BCR: variants seen among roughly 807,000 people sequenced by gnomAD.
BCR encodes the protein BCR activator of RhoGEF and GTPase.
A neutral mutation model predicts 138.6 loss-of-function variants in BCR; 58 were observed. That is an observed-to-expected ratio of 0.42 (90% CI 0.34 to 0.52). BCR has a LOEUF of 0.52. Ranked by LOEUF, BCR falls within the 20% of genes least tolerant of loss-of-function variation. BCR has a pLI of 0.06. For missense variants in BCR, 1,599 were observed against 1,727.2 expected (o/e 0.93, Z 1.32); for synonymous variants, 786 against 730.1 (o/e 1.08, Z -1.23).
rs60094959 is a variant in BCR, at chr22:23,253,929, C to G, written c.1410C>G (p.Gly470=). 1 of 1,613,132 alleles carries G rather than the reference C, an allele frequency of 6.2e-7. No homozygotes were observed. The highest frequency in any genetic ancestry group is 1.3e-5 in the African/African-American group (1 of 75,002). The change falls in exon 2 of 23, where the codon GGC becomes GGG. Residue 470 remains glycine, a synonymous_variant. Coordinates refer to ENST00000305877, the MANE Select transcript of BCR (RefSeq NM_004327.4). Reference sequence around the variant, plus strand: ...CATCGCCCCACCTCAGCAGCAAGGGCAGGGGCAGCCGGGATGCGCTGGTCT... The same window carrying G: ...CATCGCCCCACCTCAGCAGCAAGGGGAGGGGCAGCCGGGATGCGCTGGTCT... ...PSSSPHLSSK[G]RGSRDALVSG...
intron 1 of BCR, among the ~76,000 whole-genome samples, chr22:23,241,281 C>T (rs566558789): frequency 1.4e-4 from 21 of 152,352 alleles, no homozygotes; most frequent in South Asian, 4.1e-4. Flanking sequence ...GCCCTGGCCC[C>T]GGGCTCAGGG....
At chr22:23,194,044 C>T (rs1264245500) in intron 1 of BCR, among the ~76,000 whole-genome samples, 3 of 152,184 alleles carry the variant, frequency 2.0e-5, no homozygotes, top group African/African-American at 2.4e-5. Flanking sequence ...TCAGAGCCGC[C>T]GTCTGACTGG....
At chr22:23,234,276 G>T (rs1043258666) in intron 1 of BCR, among the ~76,000 whole-genome samples, 1 of 152,188 alleles carries the variant, frequency 6.6e-6, no homozygotes, top group East Asian at 1.9e-4. Flanking sequence ...TCCCAAGTCC[G>T]AGGAACCAGT....
Position 23,213,204 on chromosome 22 carries a change from C to A in BCR, c.1279+30965C>A, listed in dbSNP as rs764190627. On this transcript the variant is annotated intron_variant, in intron 1 of 22. Transcript: ENST00000305877. ...ACCCCTGCAGCCATCTCTCCACAGACAATCATGGCCCTGAGCTTGGCTGTC... is the reference window on the plus strand; with the variant it reads ...ACCCCTGCAGCCATCTCTCCACAGAAAATCATGGCCCTGAGCTTGGCTGTC... Among the ~76,000 whole-genome samples the A allele has an allele frequency of 2.6e-4, 40 of 152,360 alleles. 1 individual carries two copies. In the Middle Eastern group the frequency reaches 0.01, roughly 39 times the overall value.
intron 1 of BCR, among the ~76,000 whole-genome samples, chr22:23,238,414 A>G (rs892910192): frequency 3.9e-5 from 6 of 152,080 alleles, no homozygotes; most frequent in Non-Finnish European, 8.8e-5. Flanking sequence ...CACCTGGAAC[A>G]TCTTAAATTC....
chr22:23,289,444 A>T, intron 12 of BCR, 73 bp from the exon 13 acceptor site: 1 of 1,270,460 alleles, frequency 7.9e-7, no homozygotes, highest in Non-Finnish European at 1.1e-6. Flanking sequence ...TGTGTGGTGG[A>T]GGTCCAGTGG....
At chr22:23,308,200 G>A in intron 16 of BCR, among the ~76,000 whole-genome samples, 1 of 151,978 alleles carries the variant, frequency 6.6e-6, no homozygotes, top group East Asian at 1.9e-4. Context: ...TCCGTGACCT[G>A]GCTTCACTCC....
chr22:23,271,046 C>T (rs1399516587), intron 5 of BCR, among the ~76,000 whole-genome samples: 1 of 152,196 alleles, frequency 6.6e-6, no homozygotes, highest in Non-Finnish European at 1.5e-5. Flanking sequence ...CTAATTGCCC[C>T]AAGAAAACAG....
intron 1 of BCR, among the ~76,000 whole-genome samples, chr22:23,235,725 A>G (rs1271866819): frequency 6.6e-6 from 1 of 152,212 alleles, no homozygotes; most frequent in Admixed American, 6.5e-5. Flanking sequence ...TACTCCTCAC[A>G]GTGCTGGAGG....
intron 1 of BCR, among the ~76,000 whole-genome samples, chr22:23,185,692 A>C (rs2072332063): frequency 6.7e-6 from 1 of 148,922 alleles, no homozygotes; most frequent in African/African-American, 2.5e-5. Context: ...ACTATGCGGA[A>C]CTCACAGAAG....
At chr22:23,221,452 C>T (rs959602258) in intron 1 of BCR, among the ~76,000 whole-genome samples, 2 of 152,226 alleles carry the variant, frequency 1.3e-5, no homozygotes, top group African/African-American at 4.8e-5. Context: ...CCATGCACCT[C>T]CCTTAGGACC....
intron 5 of BCR, among the ~76,000 whole-genome samples, chr22:23,269,921 C>T (rs761433934): frequency 6.6e-6 from 1 of 152,068 alleles, no homozygotes; most frequent in Non-Finnish European, 1.5e-5. Context: ...CACGTGGTGC[C>T]ACCAACCATG....
chr22:23,204,613 C>CT (rs1343351744), intron 1 of BCR, among the ~76,000 whole-genome samples: 1 of 152,136 alleles, frequency 6.6e-6, no homozygotes, highest in Admixed American at 6.5e-5. Flanking sequence ...GGATTGGCCT[C>CT]TGTGTGCACC....
chr22:23,188,355 A>G (rs1173093202), intron 1 of BCR, among the ~76,000 whole-genome samples: 2 of 152,240 alleles, frequency 1.3e-5, no homozygotes, highest in African/African-American at 4.8e-5. Context: ...TCAGGGGAGC[A>G]TGCCTTATCC....
chr22:23,261,095 A>T, intron 3 of BCR, 41 bp downstream of exon 3: 2 of 1,563,298 alleles, frequency 1.3e-6, no homozygotes, highest in South Asian at 1.1e-5. Context: ...GGGATGGGGC[A>T]GGGTGACAGG....
intron 1 of BCR, among the ~76,000 whole-genome samples, chr22:23,206,836 A>C (rs984676665): frequency 6.6e-6 from 1 of 152,100 alleles, no homozygotes; most frequent in African/African-American, 2.4e-5. Context: ...TTATCTATTT[A>C]TCTATCCACC....
intron 1 of BCR, among the ~76,000 whole-genome samples, chr22:23,184,836 G>C (rs2072319639): frequency 6.6e-6 from 1 of 151,948 alleles, no homozygotes; most frequent in Non-Finnish European, 1.5e-5. Context: ...TCAGCCATCT[G>C]TCTCTGCCTG....
At chr22:23,262,424 G>A (rs186163204) in intron 4 of BCR, among the ~76,000 whole-genome samples, 1 of 152,358 alleles carries the variant, frequency 6.6e-6, no homozygotes, top group African/African-American at 2.4e-5. Flanking sequence ...CCAGGCCAGA[G>A]CTAAGGCTTG....
chr22:23,243,399 T>C (rs2073120024), intron 1 of BCR, among the ~76,000 whole-genome samples: 1 of 152,086 alleles, frequency 6.6e-6, no homozygotes, highest in Non-Finnish European at 1.5e-5. Context: ...CAGTGGCCAA[T>C]GATTTAGTCT....
Sources: allele counts gnomAD v4.1 joint callset (sites outside exome capture counted in the v4.1 genomes callset), GRCh38; gene constraint gnomAD v4.1.1; transcripts MANE v1.5; gene names NCBI Gene and HGNC (gene_info 2026-07-23, HGNC 2026-07-21).